B3GAT2: variants seen among roughly 807,000 people sequenced by gnomAD.
The protein encoded by B3GAT2 is beta-1,3-glucuronyltransferase 2.
Under a neutral mutation model 27.8 loss-of-function variants are expected in B3GAT2, and 26 were observed. The observed-to-expected ratio is 0.93, with a 90% CI of 0.68 to 1.30. The LOEUF is 1.30. Ranked by LOEUF, B3GAT2 falls within the 50% of genes most tolerant of loss-of-function variation. The pLI, the probability that B3GAT2 is intolerant of heterozygous loss-of-function variation, is 0.00. For synonymous variants in B3GAT2, 218 were observed against 195.1 expected (o/e 1.12, Z -0.98); for missense variants, 458 against 459.0 (o/e 1.00, Z 0.02).
At chr6:70,888,652 A>T (rs1230841876) in intron 2 of B3GAT2, among the ~76,000 whole-genome samples, 1 of 152,168 alleles carries the variant, frequency 6.6e-6, no homozygotes, top group Admixed American at 6.5e-5. Context: ...TAATCACATC[A>T]GTCCCCTACT....
intron 2 of B3GAT2, among the ~76,000 whole-genome samples, chr6:70,874,358 G>C (rs955256392): frequency 3.9e-5 from 6 of 152,148 alleles, no homozygotes; most frequent in African/African-American, 1.4e-4. Context: ...TAAATGCCTG[G>C]AACCAGAGTC....
At chr6:70,940,920 G>C (rs982951345) in intron 1 of B3GAT2, among the ~76,000 whole-genome samples, 4 of 152,100 alleles carry the variant, frequency 2.6e-5, no homozygotes, top group African/African-American at 9.7e-5. Flanking sequence ...CAACTTCCTA[G>C]CTTTCACCGT....
chr6:70,869,641 T>C (rs1008493608), intron 2 of B3GAT2, among the ~76,000 whole-genome samples: 2 of 152,242 alleles, frequency 1.3e-5, no homozygotes, highest in Non-Finnish European at 2.9e-5. Context: ...CTAAGCATTT[T>C]ATTATTTCTG....
intron 1 of B3GAT2, among the ~76,000 whole-genome samples, chr6:70,903,996 C>G (rs1217167045): frequency 6.6e-6 from 1 of 152,120 alleles, no homozygotes; most frequent in Non-Finnish European, 1.5e-5. Flanking sequence ...TGTTCATCAA[C>G]TTGTAAATAG....
chr6:70,925,097 C>T (rs971645020), intron 1 of B3GAT2, among the ~76,000 whole-genome samples: 29 of 152,192 alleles, frequency 1.9e-4, no homozygotes, highest in African/African-American at 3.6e-4. Flanking sequence ...GTGATTGCAC[C>T]GCCAACCAAT....
intron 1 of B3GAT2, among the ~76,000 whole-genome samples, chr6:70,910,513 T>A (rs902580512): frequency 6.6e-6 from 1 of 152,232 alleles, no homozygotes; most frequent in Non-Finnish European, 1.5e-5. Context: ...CTTATTCTTT[T>A]TTTATGGTTA....
rs1773062806 is a variant in B3GAT2 at position 70,931,513 on chromosome 6, T to A, written c.591+24326A>T. ...TTGGGCAGCAGGCAAGAAGAACCCA[T>A]CAGGTGGTTATGCTCCCACATATGG... On this transcript the variant is annotated intron_variant, in intron 1 of 3. Coordinates refer to ENST00000230053, the MANE Select transcript of B3GAT2 (RefSeq NM_080742.3). 2.0e-5 allele frequency among the ~76,000 whole-genome samples: 3 copies of A among 152,046 alleles called. 1 individual carries two copies. The South Asian group carries it at 6.2e-4, about 32-fold the overall frequency.
At chr6:70,902,094 G>A (rs1422333756) in intron 1 of B3GAT2, among the ~76,000 whole-genome samples, 1 of 152,112 alleles carries the variant, frequency 6.6e-6, no homozygotes, top group African/African-American at 2.4e-5. Context: ...TGTGAATTCT[G>A]GTATGGACTG....
intron 2 of B3GAT2, among the ~76,000 whole-genome samples, chr6:70,885,150 G>T (rs1772163670): frequency 6.6e-6 from 1 of 152,308 alleles, no homozygotes; most frequent in South Asian, 2.1e-4. Context: ...GAAAGTCGAG[G>T]TGGTGAAAAA....
intron 1 of B3GAT2, among the ~76,000 whole-genome samples, chr6:70,940,178 C>T (rs1169044127): frequency 6.6e-6 from 1 of 152,108 alleles, no homozygotes; most frequent in Non-Finnish European, 1.5e-5. Context: ...CACACACACA[C>T]CCACACCCTC....
rs758249313 is a variant in B3GAT2, at chr6:70,856,837, C to CTTAT, written c.*4822_*4825dup. Reference sequence around the variant, plus strand: ...CGCTTTACTATGCAGAATTTGATAGCTTATTTTGGTGTTTGTCTCAGGGGA... The same window carrying CTTAT: ...CGCTTTACTATGCAGAATTTGATAGCTTATTTATTTTGGTGTTTGTCTCAGGGGA... On this transcript the variant is annotated 3_prime_UTR_variant, in exon 4 of 4. Coordinates refer to ENST00000230053, the MANE Select transcript of B3GAT2 (RefSeq NM_080742.3). 4.4e-6 allele frequency: 7 copies of CTTAT among 1,577,394 alleles called. No individual in the cohort carries two copies. The highest frequency in any genetic ancestry group is 2.4e-5 in the South Asian group (2 of 84,838).
rs1323932222 is a variant in B3GAT2 at position 70,956,320 on chromosome 6, C to T, written c.110G>A (p.Arg37His). The change falls in exon 1 of 4, where the codon CGC becomes CAC. Residue 37 changes from arginine to histidine, a missense_variant. Transcript: ENST00000230053. ...CACCGCGTAGGGAGAGAAGTAGGGG[C>T]GCGGGGTGAGCGGGGGCACTGGCCT... Reference protein sequence around the residue: ...TRRPVPPLTPRPYFSPYAVGR... With the variant: ...TRRPVPPLTPHPYFSPYAVGR... The T allele has an allele frequency of 3.1e-6, 5 of 1,588,750 alleles. No homozygotes were observed. The highest frequency in any genetic ancestry group is 4.3e-6 in the Non-Finnish European group (5 of 1,167,214).
intron 1 of B3GAT2, among the ~76,000 whole-genome samples, chr6:70,909,431 C>A (rs958144158): frequency 6.6e-6 from 1 of 152,250 alleles, no homozygotes; most frequent in Middle Eastern, 3.4e-3. Context: ...GTTTTCAAGA[C>A]AGTGATTACC....
chr6:70,895,830 C>A (rs1173288684), intron 1 of B3GAT2, among the ~76,000 whole-genome samples: 1 of 140,808 alleles, frequency 7.1e-6, no homozygotes, highest in Admixed American at 6.9e-5. Flanking sequence ...CTAACTTTTA[C>A]AACTTTTTTT....
intron 1 of B3GAT2, among the ~76,000 whole-genome samples, chr6:70,903,177 A>G (rs758876181): frequency 4.7e-4 from 72 of 151,994 alleles, no homozygotes; most frequent in African/African-American, 6.8e-4. Context: ...AACAACACCT[A>G]TATCTCACAA....
Position 70,956,475 on chromosome 6 carries a change from C to T in B3GAT2, c.-46G>A, listed in dbSNP as rs1044296547. 1.3e-6 allele frequency: 2 copies of T among 1,548,488 alleles called. No homozygotes were observed. The highest frequency in any genetic ancestry group is 1.7e-6 in the Non-Finnish European group (2 of 1,146,224). The stretch of plus-strand genomic sequence containing the variant: ...TCGGACACCCCAGAGAGGGGCGAGC[C>T]GAGGGACCCCAGTGCGCAGCTTGGA... On this transcript the variant is annotated 5_prime_UTR_variant, in exon 1 of 4. Transcript: ENST00000230053.
chr6:70,856,948 A>G lies in B3GAT2; in HGVS notation c.*4715T>C. 1 of 1,614,004 alleles carries G rather than the reference A, an allele frequency of 6.2e-7. No homozygotes were observed. Among genetic ancestry groups the G allele is most frequent in the Non-Finnish European group, 8.5e-7 (1 of 1,179,894 alleles). The stretch of plus-strand genomic sequence containing the variant: ...TCACTGAGCAAACTACAAAATCAGA[A>G]GAAGTGGCAAAGAAACAACTTTCCA... On this transcript the variant is annotated 3_prime_UTR_variant, in exon 4 of 4. Transcript: ENST00000230053.
chr6:70,942,770 A>G (rs936728600), intron 1 of B3GAT2, among the ~76,000 whole-genome samples: 1 of 152,212 alleles, frequency 6.6e-6, no homozygotes, highest in Non-Finnish European at 1.5e-5. Flanking sequence ...CTGACTTGTT[A>G]TATTAAAACA....
intron 1 of B3GAT2, among the ~76,000 whole-genome samples, chr6:70,953,923 T>G (rs554474124): frequency 6.6e-6 from 1 of 152,318 alleles, no homozygotes; most frequent in Admixed American, 6.5e-5. Context: ...CCTTTCAGTT[T>G]GGGAAGCATC....
Sources: allele counts gnomAD v4.1 joint callset (sites outside exome capture counted in the v4.1 genomes callset), GRCh38; gene constraint gnomAD v4.1.1; transcripts MANE v1.5; gene names NCBI Gene and HGNC (gene_info 2026-07-23, HGNC 2026-07-21).